LRRC4C: variants seen among roughly 807,000 people sequenced by gnomAD.
LRRC4C encodes the protein leucine rich repeat containing 4C.
Under a neutral mutation model 33.6 loss-of-function variants are expected in LRRC4C, and 5 were observed. That is an observed-to-expected ratio of 0.15 (90% CI 0.08 to 0.31). The LOEUF (loss-of-function observed/expected upper bound fraction) is 0.31, where lower values mean the gene tolerates loss of function less well. Ranked by LOEUF, LRRC4C falls within the 10% of genes least tolerant of loss-of-function variation. The probability of loss-of-function intolerance (pLI) is 1.00; values close to 1 mark genes in which losing one functional copy is unlikely to be tolerated. For synonymous variants in LRRC4C, 329 were observed against 302.0 expected (o/e 1.09, Z -0.93); for missense variants, 560 against 796.7 (o/e 0.70, Z 3.58).
chr11:40,584,878 G>C (rs1230124753), intron 3 of LRRC4C, among the ~76,000 whole-genome samples: 1 of 150,950 alleles, frequency 6.6e-6, no homozygotes, highest in Non-Finnish European at 1.5e-5. Context: ...GTTGCAGTGA[G>C]CCGAGATCAT....
intron 3 of LRRC4C, among the ~76,000 whole-genome samples, chr11:40,486,265 C>A (rs1953860670): frequency 6.6e-6 from 1 of 151,408 alleles, no homozygotes; most frequent in Admixed American, 6.6e-5. Flanking sequence ...TTTTTCAAGT[C>A]TTTTCTTTTT....
intron 3 of LRRC4C, among the ~76,000 whole-genome samples, chr11:40,595,969 G>C (rs1959244753): frequency 6.6e-6 from 1 of 152,146 alleles, no homozygotes; most frequent in Non-Finnish European, 1.5e-5. Flanking sequence ...TAGCAGGATA[G>C]TTACAGAGTG....
chr11:40,299,671 G>A (rs757647166), intron 4 of LRRC4C, among the ~76,000 whole-genome samples: 8 of 152,186 alleles, frequency 5.3e-5, no homozygotes, highest in Admixed American at 1.3e-4. Flanking sequence ...CATGTATTGG[G>A]ACCTATGTTG....
chr11:40,426,075 G>A (rs1341370161), intron 3 of LRRC4C, among the ~76,000 whole-genome samples: 2 of 150,114 alleles, frequency 1.3e-5, no homozygotes, highest in East Asian at 2.0e-4. Flanking sequence ...GTGCAGTGGC[G>A]CGATCTTGGC....
intron 2 of LRRC4C, among the ~76,000 whole-genome samples, chr11:40,744,997 T>C (rs1948346166): frequency 6.6e-6 from 1 of 152,142 alleles, no homozygotes; most frequent in Non-Finnish European, 1.5e-5. Context: ...CATCTCAAAG[T>C]TTGTTTAAAT....
At chr11:41,240,863 A>T (rs1230184401) in intron 1 of LRRC4C, among the ~76,000 whole-genome samples, 2 of 151,830 alleles carry the variant, frequency 1.3e-5, no homozygotes, top group Admixed American at 1.3e-4. Flanking sequence ...GTATTACAGT[A>T]AAAAAAATAG....
intron 5 of LRRC4C, among the ~76,000 whole-genome samples, chr11:40,175,707 C>G (rs1272936831): frequency 2.6e-5 from 4 of 152,178 alleles, no homozygotes; most frequent in Non-Finnish European, 5.9e-5. Context: ...ACCACAGCCT[C>G]CCTTAAAGCC....
chr11:41,365,083 G>T (rs967131233), intron 1 of LRRC4C, among the ~76,000 whole-genome samples: 4 of 152,124 alleles, frequency 2.6e-5, no homozygotes, highest in South Asian at 2.1e-4. Context: ...GGGCTGCAAA[G>T]CAGGAGCTGA....
At chr11:40,253,381 GGTTGGTATAAAAA>G (rs1866940403) in intron 4 of LRRC4C, among the ~76,000 whole-genome samples, 2 of 152,286 alleles carry the variant, frequency 1.3e-5, no homozygotes, top group Admixed American at 6.5e-5. Flanking sequence ...CAAAGAAGCA[GGTTGGTATAAAAA>G]GCTGGTATAA....
At chr11:41,308,927 C>T (rs374644085) in intron 1 of LRRC4C, among the ~76,000 whole-genome samples, 1 of 152,268 alleles carries the variant, frequency 6.6e-6, no homozygotes, top group East Asian at 1.9e-4. Flanking sequence ...GCCTCAGCCT[C>T]CCGAGTAGCT....
intron 1 of LRRC4C, among the ~76,000 whole-genome samples, chr11:41,029,126 A>T (rs1565315787): frequency 6.6e-6 from 1 of 151,786 alleles, no homozygotes; most frequent in African/African-American, 2.4e-5. Context: ...TGTTTTTAGT[A>T]GCTAAGATAT....
intron 2 of LRRC4C, among the ~76,000 whole-genome samples, chr11:40,750,061 A>T (rs531226265): frequency 2.2e-4 from 33 of 152,228 alleles, no homozygotes; most frequent in Non-Finnish European, 4.9e-4. Flanking sequence ...TCTCTACTAA[A>T]AATACAAAAA....
chr11:40,643,208 T>A (rs1002861111), intron 3 of LRRC4C, among the ~76,000 whole-genome samples: 3 of 152,114 alleles, frequency 2.0e-5, no homozygotes, highest in Non-Finnish European at 4.4e-5. Flanking sequence ...AAAAAACATT[T>A]GACTCTTTCT....
chr11:40,320,909 T>C (rs1945812484), intron 3 of LRRC4C, among the ~76,000 whole-genome samples: 1 of 152,226 alleles, frequency 6.6e-6, no homozygotes, highest in Non-Finnish European at 1.5e-5. Context: ...CTCTCGAGCA[T>C]GAGTTATTTG....
intron 1 of LRRC4C, among the ~76,000 whole-genome samples, chr11:41,300,971 TAAC>T (rs1272441430): frequency 3.3e-5 from 5 of 152,218 alleles, no homozygotes; most frequent in Non-Finnish European, 7.4e-5. Context: ...TCATCACTGA[TAAC>T]AACTTAAATT....
chr11:40,550,400 C>T (rs921274928), intron 3 of LRRC4C, among the ~76,000 whole-genome samples: 1 of 152,100 alleles, frequency 6.6e-6, no homozygotes, highest in South Asian at 2.1e-4. Context: ...AACTAAAGAT[C>T]ATATTTCTTT....
chr11:40,904,521 A>AG (rs1956336692), intron 2 of LRRC4C, among the ~76,000 whole-genome samples: 1 of 152,222 alleles, frequency 6.6e-6, no homozygotes, highest in African/African-American at 2.4e-5. Context: ...GAATAAGAAG[A>AG]GGGGGAAATC....
intron 1 of LRRC4C, among the ~76,000 whole-genome samples, chr11:41,384,371 A>G (rs1241402110): frequency 6.6e-6 from 1 of 151,852 alleles, no homozygotes; most frequent in African/African-American, 2.4e-5. Flanking sequence ...TAGGTATTAT[A>G]ACACTTTTCA....
chr11:41,156,720 G>T (rs1163393103), intron 1 of LRRC4C, among the ~76,000 whole-genome samples: 4 of 151,984 alleles, frequency 2.6e-5, no homozygotes, highest in Admixed American at 1.3e-4. Context: ...GGGGCATTAG[G>T]GCAGCAAGTT....
Sources: allele counts gnomAD v4.1 joint callset (sites outside exome capture counted in the v4.1 genomes callset), GRCh38; gene constraint gnomAD v4.1.1; transcripts MANE v1.5; gene names NCBI Gene and HGNC (gene_info 2026-07-23, HGNC 2026-07-21).